MYO10: variants seen among roughly 807,000 people sequenced by gnomAD.
The protein encoded by MYO10 is unconventional myosin-X.
A neutral mutation model predicts 257.3 loss-of-function variants in MYO10; 133 were observed. The ratio of observed to expected loss-of-function variants is 0.52; its 90% CI spans 0.45 to 0.60. The LOEUF (loss-of-function observed/expected upper bound fraction) is 0.60. MYO10 is among the 20% of genes least tolerant of loss of function. The pLI, the probability that MYO10 is intolerant of heterozygous loss-of-function variation, is 0.00. For synonymous variants in MYO10, 1,104 were observed against 1,028.6 expected (o/e 1.07, Z -1.40); for missense variants, 2,399 against 2,635.7 (o/e 0.91, Z 1.97).
Position 16,662,572 on chromosome 5 carries a change from T to G in MYO10, c.*4120A>C, listed in dbSNP as rs1276478019. ...CCGGAGCTCAAGCGATCCTCTTGCC[T>G]CGGCCTTCCAACATGCTGGGATTAC... On this transcript the variant is annotated 3_prime_UTR_variant, in exon 41 of 41. Coordinates refer to ENST00000513610, the MANE Select transcript of MYO10 (RefSeq NM_012334.3). 1 of 152,084 alleles carries G rather than the reference T, an allele frequency of 6.6e-6. No homozygotes were observed. The highest frequency in any genetic ancestry group is 1.5e-5 in the Non-Finnish European group (1 of 68,070). 9.4% of individuals were successfully genotyped at this position (152,084 alleles called of 1,614,324 possible). A position where few individuals can be genotyped will look rare whatever the true frequency, so the allele number is the denominator to read the frequency against.
rs1241945156 is a variant in MYO10 at position 16,710,638 on chromosome 5, C to T, written c.2169+270G>A. The T allele has an allele frequency of 6.3e-6, 3 of 474,628 alleles. No homozygotes were observed. The East Asian group carries it at 1.1e-4, about 17-fold the overall frequency. The allele number at this position is 474,628 out of a possible 1,614,324, so 29.4% of individuals were successfully genotyped here. Reference sequence around the variant, plus strand: ...ATTCGTCTGCCAACATTTGTTACTGCCTGAACAAATACCCACACACAAACA... The same window carrying T: ...ATTCGTCTGCCAACATTTGTTACTGTCTGAACAAATACCCACACACAAACA... On this transcript the variant is annotated intron_variant, in intron 21 of 40. Transcript: ENST00000513610.
intron 35 of MYO10, 114 bp from the exon 36 acceptor site, chr5:16,674,003 G>C (rs1333194288): frequency 1.2e-6 from 1 of 858,834 alleles, no homozygotes; most frequent in Non-Finnish European, 1.9e-6. Context: ...CCCCACTGGT[G>C]AATGGAGCAA....
At chr5:16,930,483 G>A (rs1346218403) in intron 1 of MYO10, among the ~76,000 whole-genome samples, 1 of 152,180 alleles carries the variant, frequency 6.6e-6, no homozygotes, top group African/African-American at 2.4e-5. Context: ...GAAATGTACA[G>A]GCTGAAAAAG....
At chr5:16,801,831 T>C (rs1446372733) in intron 3 of MYO10, among the ~76,000 whole-genome samples, 1 of 152,166 alleles carries the variant, frequency 6.6e-6, no homozygotes, top group African/African-American at 2.4e-5. Context: ...TTTTATACCA[T>C]GTATAAAAAA....
At chr5:16,896,136 A>C (rs185829492) in intron 1 of MYO10, among the ~76,000 whole-genome samples, 2 of 152,336 alleles carry the variant, frequency 1.3e-5, no homozygotes, top group African/African-American at 2.4e-5. Flanking sequence ...CAGAAGGCAC[A>C]ATCAGCAGTA....
intron 2 of MYO10, among the ~76,000 whole-genome samples, chr5:16,824,984 G>C (rs947944241): frequency 6.6e-6 from 1 of 152,136 alleles, no homozygotes; most frequent in Non-Finnish European, 1.5e-5. Context: ...ATATTCATTC[G>C]TTTTTATTTG....
At position 16,781,825 on chromosome 5, in the gene MYO10, T is replaced by C. The variant is rs565600066; in HGVS notation, c.607A>G (p.Ile203Val). 1.9e-6 allele frequency: 3 copies of C among 1,613,940 alleles called. No individual in the cohort carries two copies. In the South Asian group the frequency reaches 3.3e-5, roughly 18 times the overall value. ...TTCGCATTGCCGAAAGCTTCCATGA[T>C]GGGGCTGTGAAGACAGTGAGGGCAG... ...VERAILESSP[I>V]MEAFGNAKTV... Residue 203 changes from isoleucine to valine, a missense_variant, in exon 6 of 41, where the codon ATC becomes GTC. Around this residue, in one of 3 missense-constraint regions of MYO10, gnomAD observed 337 missense variants for 446.8 expected, o/e 0.75. Coordinates refer to ENST00000513610, the MANE Select transcript of MYO10 (RefSeq NM_012334.3).
intron 37 of MYO10, among the ~76,000 whole-genome samples, chr5:16,671,813 G>T (rs1433621358): frequency 6.6e-6 from 1 of 152,170 alleles, no homozygotes; most frequent in Non-Finnish European, 1.5e-5. Flanking sequence ...TACCAGCTAA[G>T]CATTATGCTG....
chr5:16,681,686 T>A (rs969011220), intron 31 of MYO10, among the ~76,000 whole-genome samples, 183 bp from the exon 32 acceptor site: 3 of 152,066 alleles, frequency 2.0e-5, no homozygotes, highest in Admixed American at 6.5e-5. Context: ...AAATCACAAC[T>A]AGCAACAAAA....
At position 16,676,046 on chromosome 5, in the gene MYO10, C is replaced by G; in HGVS notation, c.4651G>C (p.Asp1551His). The G allele has an allele frequency of 6.2e-7, 1 of 1,609,264 alleles. No homozygotes were observed. Among genetic ancestry groups the G allele is most frequent in the African/African-American group, 1.3e-5 (1 of 74,622 alleles). ...HSPLLPLPYG[D>H]INLNLLKDKG... Reference sequence around the variant, plus strand: ...CTGGACTTACAGTTGAGATTTATGTCCCCATACGGAAGGGGCAGGAGCGGG... The same window carrying G: ...CTGGACTTACAGTTGAGATTTATGTGCCCATACGGAAGGGGCAGGAGCGGG... The change falls in exon 34 of 41, where the codon GAC becomes CAC. Residue 1551 changes from aspartate to histidine, a missense_variant. Transcript: ENST00000513610.
intron 1 of MYO10, among the ~76,000 whole-genome samples, chr5:16,907,539 C>T (rs978361865): frequency 1.3e-5 from 2 of 152,144 alleles, no homozygotes; most frequent in Admixed American, 1.3e-4. Context: ...CACAAAAGGA[C>T]AATTTCATCC....
chr5:16,843,856 G>C (rs1743555702), intron 2 of MYO10, among the ~76,000 whole-genome samples: 1 of 152,124 alleles, frequency 6.6e-6, no homozygotes, highest in South Asian at 2.1e-4. Flanking sequence ...TTCATTAACA[G>C]CATCAAAACC....
At position 16,764,293 on chromosome 5, in the gene MYO10, T is replaced by G. The variant is rs1740803415; in HGVS notation, c.1283A>C (p.Lys428Thr). 1 of 1,614,072 alleles carries G rather than the reference T, an allele frequency of 6.2e-7. No individual in the cohort carries two copies. The highest frequency in any genetic ancestry group is 8.5e-7 in the Non-Finnish European group (1 of 1,179,898). Residue 428 changes from lysine to threonine, a missense_variant, in exon 12 of 41, where the codon AAG becomes ACG. Transcript: ENST00000513610. ...AAAGATGTCGAGGATGCCAATAGAC[T>G]TGAAGTCCTCATTGCCTTTGATCCT... ...NSRIKGNEDFKSIGILDIFGF... is the reference protein window; with the variant it reads ...NSRIKGNEDFTSIGILDIFGF...
intron 1 of MYO10, among the ~76,000 whole-genome samples, chr5:16,927,411 G>A (rs915196581): frequency 2.0e-5 from 3 of 152,150 alleles, no homozygotes; most frequent in Admixed American, 2.0e-4. Flanking sequence ...TGGAAGCTCC[G>A]CCTCCCAGGT....
intron 2 of MYO10, among the ~76,000 whole-genome samples, chr5:16,835,218 G>A (rs1743275626): frequency 1.3e-5 from 2 of 152,042 alleles, no homozygotes. Flanking sequence ...TAACACACAA[G>A]GTATTTATTA....
intron 2 of MYO10, among the ~76,000 whole-genome samples, chr5:16,834,459 T>C (rs31505): frequency 0.73 from 110,177 of 151,940 alleles, 40,279 homozygotes; most frequent in East Asian, 0.84. Context: ...CTCGTATGGA[T>C]CAATCTGTGG....
chr5:16,694,461 C>T lies in MYO10; in HGVS notation c.3710G>A (p.Arg1237His), dbSNP rs201011233. The T allele has an allele frequency of 1.6e-4, 258 of 1,613,924 alleles. No individual in the cohort carries two copies. Among genetic ancestry groups the T allele is most frequent in the Non-Finnish European group, 2.0e-4 (240 of 1,179,904 alleles). The change falls in exon 27 of 41, where the codon CGC becomes CAC. Residue 1237 changes from arginine to histidine, a missense_variant. Coordinates refer to ENST00000513610, the MANE Select transcript of MYO10 (RefSeq NM_012334.3). ...STLSRRNWKK[R>H]WFVLRQSKLM... ...CTTGGACTGGCGGAGGACAAACCAG[C>T]GCTTCTTCCAATTTCTCCTGGACAG...
intron 3 of MYO10, among the ~76,000 whole-genome samples, chr5:16,814,238 T>C (rs933270496): frequency 2.6e-5 from 4 of 152,072 alleles, no homozygotes; most frequent in Non-Finnish European, 5.9e-5. Context: ...GCCTCCCGGG[T>C]TCACGCCATT....
At position 16,694,623 on chromosome 5, in the gene MYO10, C is replaced by A. The variant is rs777480265; in HGVS notation, c.3557-9G>T. The A allele has an allele frequency of 1.2e-6, 2 of 1,613,134 alleles. No homozygotes were observed. The highest frequency in any genetic ancestry group is 1.7e-6 in the Non-Finnish European group (2 of 1,179,824). The stretch of plus-strand genomic sequence containing the variant: ...AGAGTTCATCAGGCCACCTGTTCCC[C>A]GTGAGATTGGGTAGAGAGGGGTGAA... On this transcript the variant is annotated splice_polypyrimidine_tract_variant and intron_variant, in intron 26 of 40. Transcript: ENST00000513610.
Sources: gnomAD v4.1 joint callset for allele counts (sites outside exome capture counted in the v4.1 genomes callset) on GRCh38, gnomAD v4.1.1 for gene constraint, gnomAD v4.1.1 regional missense constraint, MANE v1.5 for transcripts, NCBI Gene and HGNC (gene_info 2026-07-23, HGNC 2026-07-21) for gene names.